The following COX10 variants were observed in gnomAD, a reference collection of about 807,000 sequenced individuals.
COX10 encodes cytochrome c oxidase assembly factor heme A:farnesyltransferase COX10.
In COX10, 27 loss-of-function variants were observed where a neutral mutation model predicts 37.3. That is an observed-to-expected ratio of 0.72 (90% CI 0.53 to 1.00). COX10 has a LOEUF of 1.00. Ranked by LOEUF, COX10 falls within the 50% of genes least tolerant of loss-of-function variation. COX10 has a pLI of 0.00. For synonymous variants in COX10, 222 were observed against 229.1 expected (o/e 0.97, Z 0.28); for missense variants, 475 against 563.2 (o/e 0.84, Z 1.59).
At chr17:14,119,307 A>G (rs1236913337) in intron 4 of COX10, among the ~76,000 whole-genome samples, 1 of 152,106 alleles carries the variant, frequency 6.6e-6, no homozygotes, top group African/African-American at 2.4e-5. Flanking sequence ...CCTACTTAAG[A>G]TATTTTGTGA....
intron 4 of COX10, among the ~76,000 whole-genome samples, chr17:14,105,278 G>A (rs1027063120): frequency 6.6e-6 from 1 of 152,068 alleles, no homozygotes; most frequent in African/African-American, 2.4e-5. Flanking sequence ...TTATGGATAT[G>A]CCTCAACTTT....
At position 14,082,022 on chromosome 17, in the gene COX10, A is replaced by AAG. The variant is rs773866201; in HGVS notation, c.499+4969_499+4970dup. 5.8e-4 allele frequency among the ~76,000 whole-genome samples: 89 copies of AAG among 152,348 alleles called. 1 individual carries two copies. The highest frequency in any genetic ancestry group is 2.4e-3 in the Admixed American group (37 of 15,302). On this transcript the variant is annotated intron_variant, in intron 3 of 6. Coordinates refer to ENST00000261643, the MANE Select transcript of COX10 (RefSeq NM_001303.4). ...AGTGGGGCAGGGGGCTGTGAAAGGC[A>AAG]AGAGCTCAGAGAGAATGTTAGGCTG... is the stretch of plus-strand genomic sequence containing the variant.
chr17:14,084,549 G>T (rs918888446), intron 3 of COX10, among the ~76,000 whole-genome samples: 3 of 152,026 alleles, frequency 2.0e-5, no homozygotes, highest in Non-Finnish European at 2.9e-5. Context: ...ATGTCTTTTT[G>T]TGTATCAACA....
chr17:14,174,689 G>C lies in COX10; in HGVS notation c.695+14742G>C, dbSNP rs888904115. Among the ~76,000 whole-genome samples, 26 of 152,118 alleles carry C rather than the reference G, an allele frequency of 1.7e-4. No homozygotes were observed. The South Asian group carries it at 2.1e-3, about 12-fold the overall frequency. Reference sequence around the variant, plus strand: ...TACCTGAAGCTCTCTTTTATTGCTAGTGTGAATGCAGAATGGTACAATCAA... The same window carrying C: ...TACCTGAAGCTCTCTTTTATTGCTACTGTGAATGCAGAATGGTACAATCAA... On this transcript the variant is annotated intron_variant, in intron 5 of 6. Coordinates refer to ENST00000261643, the MANE Select transcript of COX10 (RefSeq NM_001303.4).
intron 1 of COX10, among the ~76,000 whole-genome samples, chr17:14,073,504 A>T (rs929658921): frequency 6.6e-6 from 1 of 152,206 alleles, no homozygotes; most frequent in African/African-American, 2.4e-5. Context: ...ATGGAAATAG[A>T]CCTGATGACT....
Position 14,188,102 on chromosome 17 carries a change from CTTTTT to C in COX10, c.696-3872_696-3868del, listed in dbSNP as rs1157321131. Among the ~76,000 whole-genome samples the C allele has an allele frequency of 4.0e-5, 5 of 123,616 alleles. No homozygotes were observed. The South Asian group carries it at 8.2e-4, about 20-fold the overall frequency. 81.1% of individuals were successfully genotyped at this position (123,616 alleles called of 152,430 possible). A position where few individuals can be genotyped will look rare whatever the true frequency, so the allele number is the denominator to read the frequency against. ...AGAAGGAGTAAACAACCTTCTTCTT[CTTTTT>C]TTTTTTTTTTTTTTGACACAAGGGC... On this transcript the variant is annotated intron_variant, in intron 5 of 6. Coordinates refer to ENST00000261643, the MANE Select transcript of COX10 (RefSeq NM_001303.4).
intron 3 of COX10, among the ~76,000 whole-genome samples, chr17:14,081,235 A>T (rs1367860462): frequency 2.0e-5 from 3 of 152,232 alleles, no homozygotes; most frequent in South Asian, 4.1e-4. Context: ...GAGAGCACAG[A>T]CTAGTGAGAG....
At chr17:14,153,082 G>A (rs1188898751) in intron 4 of COX10, among the ~76,000 whole-genome samples, 11 of 152,164 alleles carry the variant, frequency 7.2e-5, no homozygotes, top group Non-Finnish European at 1.6e-4. Context: ...TACAGAAAGG[G>A]GATTCTGGGC....
At chr17:14,137,950 G>GTTTTTTTTTTTTT (rs55924353) in intron 4 of COX10, among the ~76,000 whole-genome samples, 1 of 134,418 alleles carries the variant, frequency 7.4e-6, no homozygotes. Flanking sequence ...ACACAATTCA[G>GTTTTTTTTTTTTT]TTTTTTTTTT....
intron 6 of COX10, among the ~76,000 whole-genome samples, chr17:14,203,964 TG>T (rs1448053018): frequency 6.6e-6 from 1 of 151,924 alleles, no homozygotes; most frequent in Non-Finnish European, 1.5e-5. Context: ...ATGGAGAAGG[TG>T]GTTCCAGAGG....
chr17:14,180,150 C>G (rs1905812933), intron 5 of COX10, among the ~76,000 whole-genome samples: 1 of 151,518 alleles, frequency 6.6e-6, no homozygotes, highest in Admixed American at 6.6e-5. Context: ...CCCAGGCACA[C>G]TAGTCTAGCA....
intron 3 of COX10, among the ~76,000 whole-genome samples, chr17:14,077,922 AT>A (rs58059969): frequency 0.012 from 1,662 of 143,044 alleles, 28 homozygotes; most frequent in African/African-American, 0.04. Flanking sequence ...GGAAAGAGTG[AT>A]TTTTTTTTTT....
intron 4 of COX10, among the ~76,000 whole-genome samples, chr17:14,140,813 GA>G (rs1332783333): frequency 2.6e-5 from 4 of 152,000 alleles, no homozygotes; most frequent in African/African-American, 9.7e-5. Context: ...CGTTATGTCT[GA>G]TTTTTTTTGT....
At chr17:14,134,929 G>T (rs1389568611) in intron 4 of COX10, among the ~76,000 whole-genome samples, 1 of 151,720 alleles carries the variant, frequency 6.6e-6, no homozygotes, top group Admixed American at 6.6e-5. Context: ...TTACAAGCAG[G>T]ATGTTGACTT....
At position 14,093,950 on chromosome 17, in the gene COX10, A is replaced by C. The variant is rs73979157; in HGVS notation, c.500-8168A>C. Among the ~76,000 whole-genome samples, 1,034 of 152,302 alleles carry C rather than the reference A, an allele frequency of 6.8e-3. 9 individuals carry two copies. Among genetic ancestry groups the C allele is most frequent in the African/African-American group, 0.023 (953 of 41,564 alleles). ...TGCCTGTAATCCCAGTGCTTTGGGA[A>C]GCAGAGTCAGAGGTGGAGGAATCAC... On this transcript the variant is annotated intron_variant, in intron 3 of 6. Coordinates refer to ENST00000261643, the MANE Select transcript of COX10 (RefSeq NM_001303.4).
At chr17:14,108,098 A>G (rs1915936773) in intron 4 of COX10, among the ~76,000 whole-genome samples, 1 of 152,190 alleles carries the variant, frequency 6.6e-6, no homozygotes, top group South Asian at 2.1e-4. Flanking sequence ...CTGGAAACCA[A>G]TGATTATGAC....
intron 3 of COX10, among the ~76,000 whole-genome samples, chr17:14,084,551 G>A (rs1348634173): frequency 6.6e-6 from 1 of 152,036 alleles, no homozygotes; most frequent in African/African-American, 2.4e-5. Flanking sequence ...GTCTTTTTGT[G>A]TATCAACATG....
intron 4 of COX10, among the ~76,000 whole-genome samples, chr17:14,159,249 A>C (rs2142239083): frequency 6.6e-6 from 1 of 152,328 alleles, no homozygotes; most frequent in Middle Eastern, 3.4e-3. Flanking sequence ...CTGAGATCTT[A>C]ATTACGTCAG....
At chr17:14,159,347 A>T (rs1238732888) in intron 4 of COX10, among the ~76,000 whole-genome samples, 1 of 152,176 alleles carries the variant, frequency 6.6e-6, no homozygotes, top group South Asian at 2.1e-4. Context: ...AAAGATTCTG[A>T]AATTATTTAC....
Sources: gnomAD v4.1 joint callset for allele counts (sites outside exome capture counted in the v4.1 genomes callset) on GRCh38, gnomAD v4.1.1 for gene constraint, MANE v1.5 for transcripts, NCBI Gene and HGNC (gene_info 2026-07-23, HGNC 2026-07-21) for gene names.